Variants in TIGAR observed in about 807,000 individuals in gnomAD.
TIGAR encodes TP53 induced glycolysis regulatory phosphatase.
TIGAR carries 7 observed loss-of-function variants against 17.9 expected under a neutral mutation model. The observed-to-expected ratio is 0.39, with a 90% CI of 0.22 to 0.73. The LOEUF (loss-of-function observed/expected upper bound fraction) is 0.73, where lower values mean the gene tolerates loss of function less well. Among genes scored for constraint, TIGAR ranks in the 30% least tolerant of loss-of-function variants. TIGAR has a pLI of 0.42. For synonymous variants in TIGAR, 94 were observed against 108.6 expected (o/e 0.87, Z 0.84); for missense variants, 258 against 327.4 (o/e 0.79, Z 1.64).
intron 3 of TIGAR, 97 bp downstream of exon 3, chr12:4,337,257 C>G: frequency 1.1e-6 from 1 of 875,950 alleles, no homozygotes; most frequent in East Asian, 2.9e-5. Flanking sequence ...ACCTCCATCT[C>G]CCGGGTTCAA....
intron 2 of TIGAR, among the ~76,000 whole-genome samples, chr12:4,332,911 A>G (rs1288193043): frequency 1.3e-5 from 2 of 152,250 alleles, no homozygotes; most frequent in Non-Finnish European, 2.9e-5. Flanking sequence ...TTATGAGTGC[A>G]GTATTTTTAA....
At chr12:4,323,470 A>T (rs2120639460) in intron 1 of TIGAR, among the ~76,000 whole-genome samples, 1 of 152,316 alleles carries the variant, frequency 6.6e-6, no homozygotes, top group African/African-American at 2.4e-5. Context: ...AGTCTTAATA[A>T]ATGATTATTT....
intron 4 of TIGAR, 31 bp from the exon 5 acceptor site, chr12:4,351,236 T>G (rs911252849): frequency 5.0e-6 from 8 of 1,593,150 alleles, no homozygotes; most frequent in Non-Finnish European, 6.9e-6. Context: ...CAATTTCATT[T>G]GAGAAACTGT....
intron 3 of TIGAR, among the ~76,000 whole-genome samples, chr12:4,338,885 A>G (rs1263412471): frequency 6.8e-6 from 1 of 147,548 alleles, no homozygotes; most frequent in Admixed American, 6.8e-5. Flanking sequence ...CTGAGGCATG[A>G]GAATTGCTTG....
In TIGAR at chr12:4,332,242, T is replaced by C. The variant is rs1024613167; in HGVS notation, c.70+925T>C. 3.6e-4 allele frequency among the ~76,000 whole-genome samples: 50 copies of C among 140,120 alleles called. No homozygotes were observed. The South Asian group carries it at 0.011, about 32-fold the overall frequency. 91.9% of individuals were successfully genotyped at this position (140,120 alleles called of 152,430 possible). ...GCATTCAAGGCTCATGTATTTCTTT[T>C]TTTTTTTTTTTTTTTTTTGAGTCAG... On this transcript the variant is annotated intron_variant, in intron 2 of 5. Transcript: ENST00000179259.
chr12:4,356,932 C>G lies in TIGAR; in HGVS notation c.*4241C>G, dbSNP rs1205755361. Among the ~76,000 whole-genome samples the G allele has an allele frequency of 6.6e-6, 1 of 152,220 alleles. No individual in the cohort carries two copies. Among genetic ancestry groups the G allele is most frequent in the Admixed American group, 6.5e-5 (1 of 15,276 alleles). On this transcript the variant is annotated 3_prime_UTR_variant, in exon 6 of 6. Transcript: ENST00000179259. ...ACCTGTCTCTTATTTTCCTGTCCTT[C>G]CCACTCCTCACTCACCTACTATTCA...
intron 3 of TIGAR, among the ~76,000 whole-genome samples, chr12:4,339,108 T>A (rs1864692425): frequency 6.6e-6 from 1 of 150,452 alleles, no homozygotes; most frequent in Admixed American, 6.6e-5. Context: ...CTCCAAAAGA[T>A]CAGTGAAATG....
rs1864929393 is a variant in TIGAR, at chr12:4,358,099, G to A, written c.*5408G>A. Among the ~76,000 whole-genome samples the A allele has an allele frequency of 1.9e-5, 1 of 51,484 alleles. No homozygotes were observed. The highest frequency in any genetic ancestry group is 2.6e-4 in the Admixed American group (1 of 3,780). The allele number at this position is 51,484 out of a possible 152,430, so 33.8% of individuals were successfully genotyped here. A position where few individuals can be genotyped will look rare whatever the true frequency, so the allele number is the denominator to read the frequency against. ...AGCCTGGGTGACAGAGCAAGACTGGGTCTCAAAAAAAAAAAAAAAAAATCA... is the reference window on the plus strand; with the variant it reads ...AGCCTGGGTGACAGAGCAAGACTGGATCTCAAAAAAAAAAAAAAAAAATCA... On this transcript the variant is annotated 3_prime_UTR_variant, in exon 6 of 6. Transcript: ENST00000179259.
intron 2 of TIGAR, among the ~76,000 whole-genome samples, chr12:4,331,535 C>T (rs1864603527): frequency 6.6e-6 from 1 of 152,088 alleles, no homozygotes; most frequent in African/African-American, 2.4e-5. Context: ...TACAGGTCTC[C>T]AAGTTATTCT....
chr12:4,344,057 C>G (rs1864753544), intron 3 of TIGAR, among the ~76,000 whole-genome samples: 1 of 152,094 alleles, frequency 6.6e-6, no homozygotes, highest in African/African-American at 2.4e-5. Context: ...CACCACAGAT[C>G]CCACAGAAAT....
intron 3 of TIGAR, among the ~76,000 whole-genome samples, chr12:4,343,531 A>G (rs527297364): frequency 2.6e-5 from 4 of 152,334 alleles, no homozygotes; most frequent in South Asian, 4.1e-4. Flanking sequence ...ATAACAAACT[A>G]TCTCTCAGAC....
Position 4,356,379 on chromosome 12 carries a change from T to A in TIGAR, c.*3688T>A, listed in dbSNP as rs1247066838. On this transcript the variant is annotated 3_prime_UTR_variant, in exon 6 of 6. Transcript: ENST00000179259. ...TTTTATTTGTAATATTTTCCCGGTT[T>A]TTGATTGTTTTTTAACAAATGAATT... 6.6e-6 allele frequency among the ~76,000 whole-genome samples: 1 copy of A among 152,120 alleles called. No individual in the cohort carries two copies. Among genetic ancestry groups the A allele is most frequent in the East Asian group, 1.9e-4 (1 of 5,204 alleles).
At chr12:4,343,386 A>G (rs1864745928) in intron 3 of TIGAR, among the ~76,000 whole-genome samples, 1 of 152,198 alleles carries the variant, frequency 6.6e-6, no homozygotes, top group Non-Finnish European at 1.5e-5. Flanking sequence ...AGCACACCTA[A>G]TAGACATCTA....
intron 1 of TIGAR, among the ~76,000 whole-genome samples, chr12:4,326,161 CAG>C (rs892126162): frequency 6.6e-6 from 1 of 152,202 alleles, no homozygotes. Flanking sequence ...CGGATTCCTG[CAG>C]AGTCAGGTTT....
chr12:4,357,939 TG>T lies in TIGAR; in HGVS notation c.*5249del, dbSNP rs763255685. Among the ~76,000 whole-genome samples, 95 of 150,372 alleles carry T rather than the reference TG, an allele frequency of 6.3e-4. 1 individual carries two copies. Among genetic ancestry groups the T allele is most frequent in the Middle Eastern group, 3.5e-3 (1 of 286 alleles). ...TAACACAGTGAAACCTCGTCTCCAC[TG>T]AAAAATAGAAAAAATTAGCCAGGCC... On this transcript the variant is annotated 3_prime_UTR_variant, in exon 6 of 6. Transcript: ENST00000179259.
intron 3 of TIGAR, among the ~76,000 whole-genome samples, chr12:4,340,215 C>T (rs1395114827): frequency 1.3e-5 from 2 of 152,186 alleles, no homozygotes; most frequent in Non-Finnish European, 2.9e-5. Flanking sequence ...GGTAAAGTTG[C>T]AGGATGCAAA....
At chr12:4,344,766 G>A (rs1322938617) in intron 3 of TIGAR, among the ~76,000 whole-genome samples, 1 of 152,010 alleles carries the variant, frequency 6.6e-6, no homozygotes, top group Non-Finnish European at 1.5e-5. Flanking sequence ...TTCTGGCCAG[G>A]GCAATCAGGC....
intron 2 of TIGAR, 59 bp from the exon 3 acceptor site, chr12:4,336,980 T>G (rs1864667010): frequency 2.8e-6 from 4 of 1,450,494 alleles, no homozygotes; most frequent in Non-Finnish European, 3.7e-6. Context: ...TACATGTGAT[T>G]TATACATCTC....
At position 4,351,293 on chromosome 12, in the gene TIGAR, G is replaced by T; in HGVS notation, c.297G>T (p.Ala99=). The change falls in exon 5 of 6, where the codon GCG becomes GCT. Residue 99 remains alanine (A), a synonymous_variant. Coordinates refer to ENST00000179259, the MANE Select transcript of TIGAR (RefSeq NM_020375.3). ...ERKYGVVEGK[A]LSELRAMAKA... ...AATACGGGGTTGTAGAAGGCAAAGC[G>T]CTAAGTGAGCTGAGGGCCATGGCCA... is the stretch of plus-strand genomic sequence containing the variant. 1 of 1,614,152 alleles carries T rather than the reference G, an allele frequency of 6.2e-7. No homozygotes were observed. Among genetic ancestry groups the T allele is most frequent in the Non-Finnish European group, 8.5e-7 (1 of 1,180,008 alleles).
Sources: gnomAD v4.1 joint callset for allele counts (sites outside exome capture counted in the v4.1 genomes callset) on GRCh38, gnomAD v4.1.1 for gene constraint, MANE v1.5 for transcripts, NCBI Gene and HGNC (gene_info 2026-07-23, HGNC 2026-07-21) for gene names.